Variants in FHIT observed in about 807,000 individuals in gnomAD.
The protein encoded by FHIT is bis(5'-adenosyl)-triphosphatase.
In FHIT, 19 loss-of-function variants were observed where a neutral mutation model predicts 17.9. That is an observed-to-expected ratio of 1.06 (90% confidence interval 0.74 to 1.56). The LOEUF is 1.56. FHIT is among the 40% of genes most tolerant of loss of function. The probability of loss-of-function intolerance (pLI) is 0.00; values close to 1 mark genes in which losing one functional copy is unlikely to be tolerated. For missense variants in FHIT, 248 were observed against 189.2 expected, an observed-to-expected ratio of 1.31 and a Z score of -1.82; for synonymous variants, 81 against 69.7, an observed-to-expected ratio of 1.16 and a Z score of -0.81.
At position 59,930,174 on chromosome 3, in the gene FHIT, G is replaced by A. The variant is rs1380005440; in HGVS notation, c.280-7760C>T. Among the ~76,000 whole-genome samples, 10 of 152,118 alleles carry A rather than the reference G, an allele frequency of 6.6e-5. No homozygotes were observed. In the East Asian group the frequency reaches 1.9e-3, roughly 29 times the overall value. ...TCACTGGTTGAGAACTGCTCCTGGG[G>A]AGACATCAATACTCCAGCACTTCTG... On this transcript the variant is annotated intron_variant, in intron 7 of 9. Coordinates refer to ENST00000492590, the MANE Select transcript of FHIT (RefSeq NM_002012.4).
intron 5 of FHIT, among the ~76,000 whole-genome samples, chr3:60,099,320 T>C (rs1306451889): frequency 2.0e-5 from 3 of 152,140 alleles, no homozygotes; most frequent in Non-Finnish European, 4.4e-5. Context: ...ATAAAAATAA[T>C]AATGGCTAAT....
chr3:60,620,445 C>T (rs894125071), intron 4 of FHIT, among the ~76,000 whole-genome samples: 18 of 152,232 alleles, frequency 1.2e-4, no homozygotes, highest in African/African-American at 4.3e-4. Context: ...TATACGCAGA[C>T]CATTATTCAG....
chr3:60,476,621 G>A (rs1181006245), intron 5 of FHIT, among the ~76,000 whole-genome samples: 1 of 152,170 alleles, frequency 6.6e-6, no homozygotes, highest in East Asian at 1.9e-4. Flanking sequence ...GGGTATTCAA[G>A]GAGAGGCTGC....
intron 5 of FHIT, among the ~76,000 whole-genome samples, chr3:60,274,856 C>CA (rs1223640286): frequency 1.3e-5 from 2 of 152,090 alleles, no homozygotes; most frequent in Non-Finnish European, 2.9e-5. Flanking sequence ...CTCATGTCAG[C>CA]AAATTTAGCA....
chr3:60,241,307 A>G (rs1352136517), intron 5 of FHIT, among the ~76,000 whole-genome samples: 1 of 152,156 alleles, frequency 6.6e-6, no homozygotes, highest in African/African-American at 2.4e-5. Context: ...AAATTTATCA[A>G]ATAAGATTGG....
At chr3:60,132,003 G>A (rs1056680114) in intron 5 of FHIT, among the ~76,000 whole-genome samples, 2 of 152,142 alleles carry the variant, frequency 1.3e-5, no homozygotes, top group Non-Finnish European at 2.9e-5. Context: ...ACTGAGCTTA[G>A]CTTTCTCTCA....
At chr3:59,938,888 T>C (rs1414171317) in intron 7 of FHIT, among the ~76,000 whole-genome samples, 1 of 152,160 alleles carries the variant, frequency 6.6e-6, no homozygotes, top group Non-Finnish European at 1.5e-5. Flanking sequence ...GCCCCAGTTT[T>C]ATGGGGACCT....
intron 5 of FHIT, among the ~76,000 whole-genome samples, chr3:60,031,035 C>A (rs970382265): frequency 6.6e-6 from 1 of 152,154 alleles, no homozygotes. Context: ...CTGGTCCAGT[C>A]CACTATTTGC....
chr3:59,812,579 C>A (rs1700446809), intron 8 of FHIT, among the ~76,000 whole-genome samples: 1 of 152,206 alleles, frequency 6.6e-6, no homozygotes, highest in African/African-American at 2.4e-5. Context: ...GGTCAAGTTT[C>A]TGCTTCCTGT....
chr3:60,282,227 T>C (rs1460810891), intron 5 of FHIT, among the ~76,000 whole-genome samples: 1 of 152,218 alleles, frequency 6.6e-6, no homozygotes, highest in Non-Finnish European at 1.5e-5. Flanking sequence ...ATAGAAACTT[T>C]ATTCATAATA....
At chr3:60,952,637 T>C (rs1206820371) in intron 3 of FHIT, among the ~76,000 whole-genome samples, 2 of 152,068 alleles carry the variant, frequency 1.3e-5, no homozygotes, top group Non-Finnish European at 2.9e-5. Context: ...ACCCAGCAGG[T>C]GCAAGAAGTG....
At chr3:60,180,497 G>A (rs1326173804) in intron 5 of FHIT, among the ~76,000 whole-genome samples, 1 of 152,158 alleles carries the variant, frequency 6.6e-6, no homozygotes, top group African/African-American at 2.4e-5. Context: ...ATCGAGCAGA[G>A]ACTGGATCTG....
At chr3:59,978,018 C>A (rs1179706484) in intron 7 of FHIT, among the ~76,000 whole-genome samples, 2 of 152,142 alleles carry the variant, frequency 1.3e-5, no homozygotes, top group Non-Finnish European at 1.5e-5. Flanking sequence ...ATTTAGCAAG[C>A]ATTTACTATG....
chr3:60,998,481 G>A (rs1435939101), intron 3 of FHIT, among the ~76,000 whole-genome samples: 1 of 152,056 alleles, frequency 6.6e-6, no homozygotes, highest in African/African-American at 2.4e-5. Context: ...ACTTCTATGA[G>A]AAACAAATGT....
At chr3:59,820,913 T>C (rs1700763909) in intron 8 of FHIT, among the ~76,000 whole-genome samples, 1 of 152,222 alleles carries the variant, frequency 6.6e-6, no homozygotes, top group Non-Finnish European at 1.5e-5. Flanking sequence ...GTTTCATATT[T>C]CCAACTTGGA....
chr3:60,844,552 C>G (rs1702856398), intron 3 of FHIT, among the ~76,000 whole-genome samples: 1 of 152,068 alleles, frequency 6.6e-6, no homozygotes, highest in African/African-American at 2.4e-5. Context: ...TGATAATTTT[C>G]CCCAATGACT....
chr3:60,647,918 A>G (rs1369392690), intron 4 of FHIT, among the ~76,000 whole-genome samples: 2 of 152,246 alleles, frequency 1.3e-5, no homozygotes, highest in African/African-American at 4.8e-5. Context: ...TATTATAATC[A>G]ATGCAATAAT....
chr3:60,948,974 C>A (rs1446046163), intron 3 of FHIT, among the ~76,000 whole-genome samples: 1 of 151,978 alleles, frequency 6.6e-6, no homozygotes, highest in Admixed American at 6.6e-5. Context: ...TAAAATATTC[C>A]CCATAAAAAT....
At chr3:60,438,373 C>G (rs1366463746) in intron 5 of FHIT, among the ~76,000 whole-genome samples, 1 of 152,010 alleles carries the variant, frequency 6.6e-6, no homozygotes, top group African/African-American at 2.4e-5. Flanking sequence ...TTACTAGTAA[C>G]ACTGCTTTCC....
Sources: gnomAD v4.1 joint callset for allele counts (sites outside exome capture counted in the v4.1 genomes callset) on GRCh38, gnomAD v4.1.1 for gene constraint, MANE v1.5 for transcripts, NCBI Gene and HGNC (gene_info 2026-07-23, HGNC 2026-07-21) for gene names.